SKIC3: variants seen among roughly 807,000 people sequenced by gnomAD.
SKIC3 encodes the protein superkiller complex protein 3.
At chr5:95,541,386 A>T in the SKIC3 span, 1 of 1,613,220 alleles carries the variant, frequency 6.2e-7, no homozygotes, top group Non-Finnish European at 8.5e-7. Context: ...CAACACTTAG[A>T]ACAAAACAAA....
the SKIC3 span, among the ~76,000 whole-genome samples, chr5:95,511,915 T>C: frequency 6.6e-6 from 1 of 152,238 alleles, no homozygotes; most frequent in East Asian, 1.9e-4. Flanking sequence ...ACGGAATTAT[T>C]ACAACAGATG....
chr5:95,500,147 G>A, the SKIC3 span, among the ~76,000 whole-genome samples: 6 of 152,034 alleles, frequency 3.9e-5, no homozygotes, highest in Non-Finnish European at 8.8e-5. Flanking sequence ...TTTAAAAGGC[G>A]CTGGGATTCC....
chr5:95,495,481 T>C, the SKIC3 span: 1 of 160,722 alleles, frequency 6.2e-6, no homozygotes, highest in East Asian at 1.8e-4. Flanking sequence ...GAAAAATACA[T>C]GTAGCATCAC....
chr5:95,495,133 T>G, the SKIC3 span: 1 of 909,242 alleles, frequency 1.1e-6, no homozygotes, highest in Non-Finnish European at 1.8e-6. Flanking sequence ...TTTTACCACA[T>G]TCACAACTCC....
the SKIC3 span, chr5:95,478,155 AGT>A: frequency 1.0e-6 from 1 of 989,360 alleles, no homozygotes; most frequent in Non-Finnish European, 1.5e-6. Context: ...CAAAATACAA[AGT>A]GTATCAAGAA....
chr5:95,513,995 G>C, the SKIC3 span, among the ~76,000 whole-genome samples: 1 of 152,112 alleles, frequency 6.6e-6, no homozygotes, highest in Non-Finnish European at 1.5e-5. Context: ...GACTCCCTGG[G>C]TTCAATGGCT....
chr5:95,486,025 C>T, the SKIC3 span, among the ~76,000 whole-genome samples: 119 of 152,244 alleles, frequency 7.8e-4, no homozygotes, highest in South Asian at 7.1e-3. Flanking sequence ...TAATTCTAGC[C>T]ATAAGACAAC....
the SKIC3 span, among the ~76,000 whole-genome samples, chr5:95,476,808 C>T: frequency 1.3e-5 from 2 of 152,194 alleles, no homozygotes; most frequent in South Asian, 4.1e-4. Flanking sequence ...GACAGGTATA[C>T]ATGGGTATTA....
At chr5:95,467,825 A>T in the SKIC3 span, 1 of 1,611,572 alleles carries the variant, frequency 6.2e-7, no homozygotes, top group Non-Finnish European at 8.5e-7. Context: ...TTTTAAATAA[A>T]ATCAATGCCT....
At chr5:95,500,511 T>C in the SKIC3 span, among the ~76,000 whole-genome samples, 3 of 152,202 alleles carry the variant, frequency 2.0e-5, no homozygotes, top group African/African-American at 7.2e-5. Flanking sequence ...TCAAAGAACA[T>C]TTTATTTTAT....
the SKIC3 span, among the ~76,000 whole-genome samples, chr5:95,469,544 A>G: frequency 1.3e-5 from 2 of 152,196 alleles, no homozygotes; most frequent in Non-Finnish European, 2.9e-5. Context: ...CAAACCCCTC[A>G]TGCCCTATAA....
At chr5:95,485,414 A>C in the SKIC3 span, among the ~76,000 whole-genome samples, 3 of 152,208 alleles carry the variant, frequency 2.0e-5, no homozygotes, top group Non-Finnish European at 2.9e-5. Flanking sequence ...GGCATCTTTC[A>C]CAGGTGCTAA....
chr5:95,523,476 T>C, the SKIC3 span: 3 of 1,166,784 alleles, frequency 2.6e-6, no homozygotes, highest in African/African-American at 4.7e-5. Flanking sequence ...CAACAATAAG[T>C]GGTTAGTAAT....
At chr5:95,508,232 G>A in the SKIC3 span, among the ~76,000 whole-genome samples, 5 of 152,096 alleles carry the variant, frequency 3.3e-5, no homozygotes, top group Admixed American at 3.3e-4. Context: ...TTTTTTACCT[G>A]ACAAGGCTTC....
chr5:95,518,139 T>C, the SKIC3 span, among the ~76,000 whole-genome samples: 1 of 152,136 alleles, frequency 6.6e-6, no homozygotes, highest in African/African-American at 2.4e-5. Flanking sequence ...AAATAAAATA[T>C]ACCAAATATA....
chr5:95,525,242 TG>T, the SKIC3 span, among the ~76,000 whole-genome samples: 1 of 152,200 alleles, frequency 6.6e-6, no homozygotes, highest in South Asian at 2.1e-4. Context: ...CTGTACTACA[TG>T]CTAAATACAT....
the SKIC3 span, among the ~76,000 whole-genome samples, chr5:95,515,809 T>C: frequency 2.2e-4 from 34 of 152,212 alleles, no homozygotes; most frequent in African/African-American, 8.2e-4. Flanking sequence ...ACCTATAGAT[T>C]TATGGAAACT....
the SKIC3 span, chr5:95,517,223 A>G: frequency 2.5e-6 from 4 of 1,613,300 alleles, no homozygotes; most frequent in African/African-American, 5.3e-5. Flanking sequence ...CTCCTAAAAC[A>G]TGAACATTCA....
the SKIC3 span, among the ~76,000 whole-genome samples, chr5:95,490,499 TA>T: frequency 6.6e-5 from 9 of 136,146 alleles, no homozygotes; most frequent in East Asian, 8.1e-4. Flanking sequence ...CATATATATA[TA>T]TATATTTTTT....
Sources: allele counts gnomAD v4.1 joint callset (sites outside exome capture counted in the v4.1 genomes callset), GRCh38; gene constraint gnomAD v4.1.1; transcripts MANE v1.5; gene names NCBI Gene and HGNC (gene_info 2026-07-23, HGNC 2026-07-21).